The following ERC1 variants were observed in gnomAD, a reference collection of about 807,000 sequenced individuals.
The protein encoded by ERC1 is RAB6 interacting protein 2.
Under a neutral mutation model 132.0 loss-of-function variants are expected in ERC1, and 56 were observed. That is an observed-to-expected ratio of 0.42 (90% CI 0.34 to 0.53). The LOEUF is 0.53. Ranked by LOEUF, ERC1 falls within the 20% of genes least tolerant of loss-of-function variation. ERC1 has a pLI of 0.03. For missense variants in ERC1, 1,202 were observed against 1,349.9 expected, an observed-to-expected ratio of 0.89 and a Z score of 1.72; for synonymous variants, 478 against 476.1, an observed-to-expected ratio of 1.00 and a Z score of -0.05.
chr12:1,030,290 C>T (rs1967768413), intron 2 of ERC1, among the ~76,000 whole-genome samples: 1 of 152,132 alleles, frequency 6.6e-6, no homozygotes, highest in Non-Finnish European at 1.5e-5. Flanking sequence ...ATATCAATTT[C>T]TGCAGTGTTC....
intron 12 of ERC1, among the ~76,000 whole-genome samples, chr12:1,228,724 G>T (rs1057446682): frequency 6.6e-6 from 1 of 152,094 alleles, no homozygotes; most frequent in Non-Finnish European, 1.5e-5. Context: ...CTAATTTATT[G>T]AGAGTCTTTA....
intron 13 of ERC1, among the ~76,000 whole-genome samples, chr12:1,261,078 G>A (rs1215205075): frequency 6.6e-6 from 1 of 152,170 alleles, no homozygotes; most frequent in Non-Finnish European, 1.5e-5. Flanking sequence ...CATTGTGACA[G>A]ATTACTAATC....
intron 7 of ERC1, among the ~76,000 whole-genome samples, chr12:1,137,831 C>T (rs143752075): frequency 0.013 from 1,962 of 148,770 alleles, 59 homozygotes; most frequent in African/African-American, 0.046. Flanking sequence ...CCAGCCTGGG[C>T]GACAGAGCAA....
At chr12:1,327,627 C>T (rs556100128) in intron 15 of ERC1, among the ~76,000 whole-genome samples, 10 of 152,152 alleles carry the variant, frequency 6.6e-5, no homozygotes. Flanking sequence ...TCTATACTTT[C>T]TTCCCCTATA....
intron 1 of ERC1, among the ~76,000 whole-genome samples, chr12:1,019,131 A>G (rs1236633269): frequency 2.6e-5 from 4 of 152,188 alleles, no homozygotes; most frequent in Non-Finnish European, 4.4e-5. Context: ...GATTAAAAAA[A>G]AATATTTTTT....
chr12:1,231,381 A>C (rs61203801), intron 12 of ERC1, among the ~76,000 whole-genome samples: 4,758 of 152,184 alleles, frequency 0.031, 119 homozygotes, highest in East Asian at 0.074. Context: ...CCCATTGACA[A>C]ATTATTGTAG....
At chr12:1,138,516 G>A (rs1949573885) in intron 7 of ERC1, among the ~76,000 whole-genome samples, 1 of 151,054 alleles carries the variant, frequency 6.6e-6, no homozygotes, top group Non-Finnish European at 1.5e-5. Context: ...AAAGGATGAG[G>A]GAGATAGTAT....
At chr12:1,016,207 A>G (rs1313322898) in intron 1 of ERC1, among the ~76,000 whole-genome samples, 1 of 152,182 alleles carries the variant, frequency 6.6e-6, no homozygotes, top group African/African-American at 2.4e-5. Flanking sequence ...TTCACATATA[A>G]TTATTTAAAT....
chr12:1,244,163 A>T (rs962684360), intron 13 of ERC1, among the ~76,000 whole-genome samples: 10 of 152,200 alleles, frequency 6.6e-5, no homozygotes, highest in African/African-American at 2.4e-4. Flanking sequence ...TGATTGAAGT[A>T]TTCTGTATTA....
chr12:1,389,025 G>A (rs993823221), intron 16 of ERC1, among the ~76,000 whole-genome samples: 6 of 152,154 alleles, frequency 3.9e-5, no homozygotes, highest in African/African-American at 1.4e-4. Context: ...GGTCACTGTG[G>A]CAAAGGAACA....
At chr12:1,258,092 G>A (rs1472010900) in intron 13 of ERC1, among the ~76,000 whole-genome samples, 1 of 152,040 alleles carries the variant, frequency 6.6e-6, no homozygotes, top group Non-Finnish European at 1.5e-5. Flanking sequence ...CTAAGCTAGC[G>A]GCAGATTAAG....
chr12:1,213,876 C>G (rs949224070), intron 12 of ERC1, among the ~76,000 whole-genome samples: 2 of 151,656 alleles, frequency 1.3e-5, no homozygotes, highest in African/African-American at 4.8e-5. Context: ...TGCACTCAGC[C>G]TTGGTGACAG....
chr12:1,033,528 A>T (rs1968475925), intron 2 of ERC1, among the ~76,000 whole-genome samples: 1 of 151,550 alleles, frequency 6.6e-6, no homozygotes, highest in Admixed American at 6.6e-5. Context: ...CAATGGCACA[A>T]TCTCGGCTTA....
chr12:1,483,500 C>A (rs140590846), intron 18 of ERC1, among the ~76,000 whole-genome samples: 1 of 151,846 alleles, frequency 6.6e-6, no homozygotes, highest in Non-Finnish European at 1.5e-5. Flanking sequence ...TTCTTAAGGT[C>A]GTAGAGTATC....
At chr12:1,205,354 A>G (rs1415432165) in intron 12 of ERC1, among the ~76,000 whole-genome samples, 1 of 151,408 alleles carries the variant, frequency 6.6e-6, no homozygotes, top group African/African-American at 2.4e-5. Flanking sequence ...TAATAATAAT[A>G]GCGATTATAT....
chr12:1,195,771 T>C (rs1393415509), intron 12 of ERC1, among the ~76,000 whole-genome samples: 3 of 151,772 alleles, frequency 2.0e-5, no homozygotes, highest in African/African-American at 4.8e-5. Flanking sequence ...CTGCTTGTTA[T>C]GTGAGATAGG....
chr12:1,145,837 C>A (rs935129725), intron 8 of ERC1, among the ~76,000 whole-genome samples: 1 of 152,082 alleles, frequency 6.6e-6, no homozygotes, highest in African/African-American at 2.4e-5. Flanking sequence ...GTGTCATTTC[C>A]CTGCTTTATG....
intron 2 of ERC1, among the ~76,000 whole-genome samples, chr12:1,037,091 C>T (rs1969231836): frequency 6.6e-6 from 1 of 152,112 alleles, no homozygotes; most frequent in Admixed American, 6.5e-5. Flanking sequence ...GGTAAGTTTG[C>T]TTATCTGGAA....
chr12:1,360,984 A>G (rs946621364), intron 15 of ERC1, among the ~76,000 whole-genome samples: 3 of 151,616 alleles, frequency 2.0e-5, no homozygotes, highest in Admixed American at 6.6e-5. Flanking sequence ...AGTCCCAGCT[A>G]CTTGGGATGC....
Sources: gnomAD v4.1 joint callset for allele counts (sites outside exome capture counted in the v4.1 genomes callset) on GRCh38, gnomAD v4.1.1 for gene constraint, MANE v1.5 for transcripts, NCBI Gene and HGNC (gene_info 2026-07-23, HGNC 2026-07-21) for gene names.